Variants in RBFOX3 observed in about 807,000 individuals in gnomAD.
RBFOX3 encodes RNA binding fox-1 homolog 3.
A neutral mutation model predicts 48.7 loss-of-function variants in RBFOX3; 17 were observed. The ratio of observed to expected loss-of-function variants is 0.35; its 90% confidence interval spans 0.24 to 0.52. The LOEUF (loss-of-function observed/expected upper bound fraction) is 0.52, where lower values mean the gene tolerates loss of function less well. RBFOX3 is among the 20% of genes least tolerant of loss of function. The pLI, the probability that RBFOX3 is intolerant of heterozygous loss-of-function variation, is 0.94. For missense variants in RBFOX3, 382 were observed against 497.5 expected (o/e 0.77, Z 2.21); for synonymous variants, 212 against 209.5 (o/e 1.01, Z -0.10).
Position 79,299,001 on chromosome 17 carries a change from C to A in RBFOX3, c.-74+8723G>T, listed in dbSNP as rs551353103. On this transcript the variant is annotated intron_variant, in intron 3 of 14. Transcript: ENST00000693108. This position sits in a 1 kb window ranked among gnomAD's most constrained non-coding sequence, Gnocchi z 4.5. The stretch of plus-strand genomic sequence containing the variant: ...AGCCTGCTGATGCAAGGCTGGGAGG[C>A]GGGAGGGCGCGAGTCTGTAACTGGA... 6.6e-6 allele frequency among the ~76,000 whole-genome samples: 1 copy of A among 152,066 alleles called. No individual in the cohort carries two copies. The highest frequency in any genetic ancestry group is 1.5e-5 in the Non-Finnish European group (1 of 67,998).
In RBFOX3 at chr17:79,448,104, T is replaced by A. The variant is rs151149362; in HGVS notation, c.-175+34350A>T. Among the ~76,000 whole-genome samples the A allele has an allele frequency of 7.2e-3, 1,090 of 152,290 alleles. 12 individuals carry two copies. The highest frequency in any genetic ancestry group is 0.025 in the African/African-American group (1,042 of 41,562). ...GCTTCTGGTACAACCTGTGGAACTG[T>A]GAGTCCATTAAACCTCTTTTCTTCA... On this transcript the variant is annotated intron_variant, in intron 2 of 14. Coordinates refer to ENST00000693108, the MANE Select transcript of RBFOX3 (RefSeq NM_001350451.2).
chr17:79,165,781 A>C (rs561367438), intron 4 of RBFOX3, among the ~76,000 whole-genome samples: 1 of 152,332 alleles, frequency 6.6e-6, no homozygotes, highest in East Asian at 1.9e-4. Context: ...TCACAGGATC[A>C]TTAGGGGCTG....
At chr17:79,402,811 G>A (rs965985936) in intron 2 of RBFOX3, among the ~76,000 whole-genome samples, 5 of 152,166 alleles carry the variant, frequency 3.3e-5, no homozygotes, top group East Asian at 3.9e-4. Context: ...CCTCTGACCC[G>A]GATCCAGCTT....
the RBFOX3 span, among the ~76,000 whole-genome samples, chr17:79,651,648 G>GTC: frequency 2.0e-3 from 65 of 32,206 alleles, no homozygotes; most frequent in Non-Finnish European, 4.5e-3. Flanking sequence ...CTCTCTCTCT[G>GTC]TCTCTCTCTC....
chr17:79,166,706 C>T (rs2048081348), intron 4 of RBFOX3, among the ~76,000 whole-genome samples: 2 of 152,162 alleles, frequency 1.3e-5, no homozygotes, highest in African/African-American at 4.8e-5. Context: ...CAGAGCCCAT[C>T]CACCCCTCCT....
chr17:79,588,982 G>A (rs2093339139), intron 1 of RBFOX3, among the ~76,000 whole-genome samples: 2 of 150,352 alleles, frequency 1.3e-5, no homozygotes, highest in African/African-American at 4.9e-5. Context: ...GCCATATAGT[G>A]AGACCCCATC....
intron 4 of RBFOX3, among the ~76,000 whole-genome samples, chr17:79,158,734 A>G (rs1462397599): frequency 6.6e-6 from 1 of 152,246 alleles, no homozygotes; most frequent in East Asian, 1.9e-4. Flanking sequence ...GGGGCTGAGC[A>G]GGGCATGGAG....
At chr17:79,241,336 C>G (rs35530491) in intron 3 of RBFOX3, among the ~76,000 whole-genome samples, 40,117 of 151,988 alleles carry the variant, frequency 0.26, 5,572 homozygotes, top group Middle Eastern at 0.33. Flanking sequence ...AGTTTGAGCC[C>G]TCTGCGTAAC....
intron 2 of RBFOX3, among the ~76,000 whole-genome samples, chr17:79,329,780 A>G (rs2146291791): frequency 6.6e-6 from 1 of 152,216 alleles, no homozygotes; most frequent in Non-Finnish European, 1.5e-5. Flanking sequence ...ATCTCCATCT[A>G]TGGCTCCCAT....
chr17:79,276,621 G>T (rs369613351), intron 3 of RBFOX3, among the ~76,000 whole-genome samples: 2 of 152,166 alleles, frequency 1.3e-5, no homozygotes, highest in Non-Finnish European at 2.9e-5. Context: ...GGAGTGAGAG[G>T]TTGCAGTGAG....
At chr17:79,135,930 G>C (rs2040079831) in intron 4 of RBFOX3, 1 of 152,334 alleles carries the variant, frequency 6.6e-6, no homozygotes, top group Non-Finnish European at 1.5e-5. Context: ...GGCCACTTAT[G>C]CTGGGTGGGG....
At chr17:79,424,320 A>C (rs2066970071) in intron 2 of RBFOX3, among the ~76,000 whole-genome samples, 1 of 152,076 alleles carries the variant, frequency 6.6e-6, no homozygotes. Context: ...CTCCCTCGGC[A>C]CTGACCAGGG....
At chr17:79,565,688 G>C (rs2092429555) in intron 1 of RBFOX3, among the ~76,000 whole-genome samples, 1 of 152,124 alleles carries the variant, frequency 6.6e-6, no homozygotes, top group African/African-American at 2.4e-5. Context: ...AGTCTTACTT[G>C]ATTAATCAAA....
At position 79,160,579 on chromosome 17, in the gene RBFOX3, A is replaced by T. The variant is rs1337729350; in HGVS notation, c.-33-44831T>A. On this transcript the variant is annotated intron_variant, in intron 4 of 14. Transcript: ENST00000693108. ...GGTTCCCGGGGCACCCCCATATCCC[A>T]CCTGCCCACTCTCAAACAACTCTTA... Among the ~76,000 whole-genome samples the T allele has an allele frequency of 1.3e-5, 2 of 152,170 alleles. 1 individual carries two copies. The highest frequency in any genetic ancestry group is 4.8e-5 in the African/African-American group (2 of 41,440).
chr17:79,428,885 A>G (rs2067891365), intron 2 of RBFOX3, among the ~76,000 whole-genome samples: 2 of 152,236 alleles, frequency 1.3e-5, no homozygotes, highest in South Asian at 2.1e-4. Context: ...GTAAAGTCAT[A>G]TAGTATTTGC....
At chr17:79,478,878 A>C (rs2149461527) in intron 2 of RBFOX3, among the ~76,000 whole-genome samples, 1 of 152,352 alleles carries the variant, frequency 6.6e-6, no homozygotes, top group South Asian at 2.1e-4. Flanking sequence ...AGTTAAAGGG[A>C]TGAGCTTTAA....
intron 2 of RBFOX3, among the ~76,000 whole-genome samples, chr17:79,463,688 G>GCCATCT (rs375270247): frequency 1.6e-5 from 2 of 123,284 alleles, no homozygotes; most frequent in South Asian, 3.0e-4. Context: ...CATTGCCACT[G>GCCATCT]CCACTGCCAT....
chr17:79,394,742 C>G (rs1568173632), intron 2 of RBFOX3, among the ~76,000 whole-genome samples: 5 of 152,204 alleles, frequency 3.3e-5, no homozygotes, highest in Admixed American at 3.3e-4. Context: ...AGCCTGAGCC[C>G]CCACTGACCC....
the RBFOX3 span, among the ~76,000 whole-genome samples, chr17:79,653,083 T>C: frequency 6.6e-6 from 1 of 152,150 alleles, no homozygotes; most frequent in Non-Finnish European, 1.5e-5. Flanking sequence ...CAGGATTCTG[T>C]ACTCAACCAG....
Sources: gnomAD v4.1 joint callset for allele counts (sites outside exome capture counted in the v4.1 genomes callset) on GRCh38, gnomAD v4.1.1 for gene constraint, Gnocchi (gnomAD v3.1) non-coding constraint, MANE v1.5 for transcripts, NCBI Gene and HGNC (gene_info 2026-07-23, HGNC 2026-07-21) for gene names.